ABCC9: variants seen among roughly 807,000 people sequenced by gnomAD.
The protein encoded by ABCC9 is ATP-binding cassette sub-family C member 9.
Under a neutral mutation model 188.3 loss-of-function variants are expected in ABCC9, and 95 were observed. That is an observed-to-expected ratio of 0.50 (90% CI 0.43 to 0.60). The LOEUF (loss-of-function observed/expected upper bound fraction) is 0.60, where lower values mean the gene tolerates loss of function less well. Ranked by LOEUF, ABCC9 falls within the 20% of genes least tolerant of loss-of-function variation. The probability of loss-of-function intolerance (pLI) is 0.00; values close to 1 mark genes in which losing one functional copy is unlikely to be tolerated. For synonymous variants in ABCC9, 659 were observed against 652.7 expected, an observed-to-expected ratio of 1.01 and a Z score of -0.15; for missense variants, 1,102 against 1,876.3, an observed-to-expected ratio of 0.59 and a Z score of 7.62.
intron 29 of ABCC9, among the ~76,000 whole-genome samples, chr12:21,840,149 C>G (rs1231716765): frequency 2.6e-5 from 4 of 152,164 alleles, no homozygotes. Flanking sequence ...GCTAAGCAAG[C>G]ATTTGATCCA....
Position 21,838,111 on chromosome 12 carries a change from G to C in ABCC9, c.3533C>G (p.Thr1178Arg). The C allele has an allele frequency of 6.2e-7, 1 of 1,614,132 alleles. No homozygotes were observed. The highest frequency in any genetic ancestry group is 1.1e-5 in the South Asian group (1 of 91,086). Residue 1178 changes from threonine (T) to arginine (R), a missense_variant, in exon 30 of 40, where the codon ACA (threonine) becomes AGA (arginine). Physicochemically the swap from Thr to Arg is moderately conservative, Grantham distance 71 (BLOSUM62 -1). Coordinates refer to ENST00000261200, the MANE Select transcript of ABCC9 (RefSeq NM_020297.4). The stretch of plus-strand genomic sequence containing the variant: ...CCGAATGGTGGTGAGTCCTTCTGCT[G>C]TTTCTGAGAAGTGACAGAGCAGAGG... ...QLPLLCHFSE[T>R]AEGLTTIRAF...
intron 38 of ABCC9, among the ~76,000 whole-genome samples, chr12:21,806,380 G>A (rs1206620418): frequency 6.6e-6 from 1 of 152,138 alleles, no homozygotes; most frequent in Non-Finnish European, 1.5e-5. Flanking sequence ...GTATGTATTT[G>A]AAACCAGCAA....
At position 21,838,184 on chromosome 12, in the gene ABCC9, G is replaced by A. The variant is rs876657429; in HGVS notation, c.3474-14C>T. On this transcript the variant is annotated splice_polypyrimidine_tract_variant and intron_variant, in intron 29 of 39. Coordinates refer to ENST00000261200, the MANE Select transcript of ABCC9 (RefSeq NM_020297.4). Reference sequence around the variant, plus strand: ...TCCTGGAGGTCCCTAGTAGAGAGAGGGGCAAAAATAAACTTCATGTGCATC... The same window carrying A: ...TCCTGGAGGTCCCTAGTAGAGAGAGAGGCAAAAATAAACTTCATGTGCATC... 1 of 1,575,466 alleles carries A rather than the reference G, an allele frequency of 6.3e-7. No homozygotes were observed. The highest frequency in any genetic ancestry group is 8.7e-7 in the Non-Finnish European group (1 of 1,145,024).
intron 15 of ABCC9, among the ~76,000 whole-genome samples, 176 bp downstream of exon 15, chr12:21,887,650 T>C (rs1946947608): frequency 6.6e-6 from 1 of 152,188 alleles, no homozygotes; most frequent in African/African-American, 2.4e-5. Flanking sequence ...ACAAGCCTTA[T>C]ACATTCGTCT....
chr12:21,846,466 C>T (rs1389819915), intron 25 of ABCC9, among the ~76,000 whole-genome samples: 1 of 152,162 alleles, frequency 6.6e-6, no homozygotes, highest in Non-Finnish European at 1.5e-5. Context: ...TGACTGTGTT[C>T]CCATCTTTTG....
intron 31 of ABCC9, among the ~76,000 whole-genome samples, chr12:21,825,629 A>G (rs118053490): frequency 0.019 from 2,402 of 125,780 alleles, 34 homozygotes; most frequent in Non-Finnish European, 0.029. Context: ...AACATTATAC[A>G]TTGGGATCTG....
intron 12 of ABCC9, among the ~76,000 whole-genome samples, chr12:21,896,324 G>A (rs1947422030): frequency 6.6e-6 from 1 of 152,060 alleles, no homozygotes; most frequent in Non-Finnish European, 1.5e-5. Flanking sequence ...TGACTTAGTT[G>A]TCAAACATAG....
intron 30 of ABCC9, among the ~76,000 whole-genome samples, chr12:21,836,687 T>C (rs954299233): frequency 6.6e-6 from 1 of 152,152 alleles, no homozygotes; most frequent in Admixed American, 6.6e-5. Flanking sequence ...CAGCCCATGT[T>C]AGCTACTTAG....
chr12:21,882,985 ATATT>A, intron 15 of ABCC9, 112 bp from the exon 16 acceptor site: 2 of 818,656 alleles, frequency 2.4e-6, no homozygotes, highest in East Asian at 2.5e-5. Context: ...AGTGGATGTT[ATATT>A]TTAATTATTT....
At chr12:21,838,227 A>G (rs1944203386) in intron 29 of ABCC9, 57 bp from the exon 30 acceptor site, 10 of 1,198,484 alleles carry the variant, frequency 8.3e-6, no homozygotes, top group African/African-American at 1.5e-5. Flanking sequence ...AAAGACTACC[A>G]TGTTTATTCT....
At chr12:21,855,609 A>G (rs1945183910) in intron 22 of ABCC9, among the ~76,000 whole-genome samples, 1 of 152,182 alleles carries the variant, frequency 6.6e-6, no homozygotes, top group Non-Finnish European at 1.5e-5. Flanking sequence ...TGTAGTTATG[A>G]CCACTCTTGG....
chr12:21,805,256 A>C, intron 39 of ABCC9: 2 of 1,614,094 alleles, frequency 1.2e-6, no homozygotes, highest in East Asian at 4.5e-5. Context: ...CTCCACTAAA[A>C]TACCCTCAGA....
At chr12:21,867,596 T>C (rs1945842070) in intron 18 of ABCC9, among the ~76,000 whole-genome samples, 1 of 152,142 alleles carries the variant, frequency 6.6e-6, no homozygotes. Context: ...GGAAACTAGA[T>C]GCTGGCACAA....
At position 21,917,099 on chromosome 12, in the gene ABCC9, C is replaced by G. The variant is rs368753369; in HGVS notation, c.411G>C (p.Leu137=). The G allele has an allele frequency of 1.9e-6, 3 of 1,613,376 alleles. No individual in the cohort carries two copies. The highest frequency in any genetic ancestry group is 1.3e-5 in the African/African-American group (1 of 74,866). Residue 137 remains leucine (L), a synonymous_variant, in exon 6 of 40, where the codon CTG becomes CTC. Transcript: ENST00000261200. Reference sequence around the variant, plus strand: ...TAAAGGCCATTACCCAATACAGGAACAGGGCTGAAAAGAAAAAGACAAAAA... The same window carrying G: ...TAAAGGCCATTACCCAATACAGGAAGAGGGCTGAAAAGAAAAAGACAAAAA... ...TSNFPKLLLA[L]FLYWVMAFIT...
chr12:21,910,724 G>T, intron 9 of ABCC9, 102 bp downstream of exon 9: 1 of 1,053,562 alleles, frequency 9.5e-7, no homozygotes, highest in South Asian at 1.4e-5. Context: ...ATACCAAAAT[G>T]AAAATGGAAT....
chr12:21,894,447 G>A (rs1947307552), intron 13 of ABCC9, among the ~76,000 whole-genome samples: 1 of 152,148 alleles, frequency 6.6e-6, no homozygotes, highest in South Asian at 2.1e-4. Context: ...TTGCTAAGTA[G>A]GGGGAATAAA....
At chr12:21,822,344 A>G (rs1366464960) in intron 31 of ABCC9, among the ~76,000 whole-genome samples, 1 of 151,258 alleles carries the variant, frequency 6.6e-6, no homozygotes, top group African/African-American at 2.4e-5. Flanking sequence ...TACTGGAAAT[A>G]TTTTAGAGAC....
At chr12:21,831,856 A>T (rs1343459918) in intron 30 of ABCC9, among the ~76,000 whole-genome samples, 1 of 152,216 alleles carries the variant, frequency 6.6e-6, no homozygotes, top group Non-Finnish European at 1.5e-5. Flanking sequence ...GACCAAAGCC[A>T]GTGGACTACA....
At chr12:21,903,330 A>G (rs1450203296) in intron 12 of ABCC9, among the ~76,000 whole-genome samples, 1 of 152,216 alleles carries the variant, frequency 6.6e-6, no homozygotes. Context: ...ATCATACCGA[A>G]TAGGCAAAAA....
Sources: allele counts gnomAD v4.1 joint callset (sites outside exome capture counted in the v4.1 genomes callset), GRCh38; gene constraint gnomAD v4.1.1; transcripts MANE v1.5; gene names NCBI Gene and HGNC (gene_info 2026-07-23, HGNC 2026-07-21).